CHIT1: variants seen among roughly 807,000 people sequenced by gnomAD.
The protein encoded by CHIT1 is chitotriosidase-1.
Under a neutral mutation model 52.0 loss-of-function variants are expected in CHIT1, and 47 were observed. The ratio of observed to expected loss-of-function variants is 0.90; its 90% CI spans 0.71 to 1.15. The LOEUF is 1.15. Among genes scored for constraint, CHIT1 ranks in the 50% most tolerant of loss-of-function variants. CHIT1 has a pLI of 0.00. For synonymous variants in CHIT1, 242 were observed against 228.2 expected, an observed-to-expected ratio of 1.06 and a Z score of -0.54; for missense variants, 569 against 583.0, an observed-to-expected ratio of 0.98 and a Z score of 0.25.
intron 1 of CHIT1, among the ~76,000 whole-genome samples, chr1:203,228,966 G>C (rs535572746): frequency 6.6e-6 from 1 of 152,214 alleles, no homozygotes; most frequent in Non-Finnish European, 1.5e-5. Context: ...TGCATGGAGA[G>C]AGTTCATCTC....
In CHIT1 at chr1:203,217,494, G is replaced by A. The variant is rs188099043; in HGVS notation, c.1156+245C>T. ...GCTCCCAGTCTGGGGGCCCTCTGGA[G>A]GGAAGCCACGGTTACAACAACCCTG... On this transcript the variant is annotated intron_variant, in intron 10 of 10. Transcript: ENST00000367229. The A allele has an allele frequency of 1.4e-4, 164 of 1,146,416 alleles. 1 individual carries two copies. The East Asian group carries it at 3.9e-3, about 27-fold the overall frequency. The allele number at this position is 1,146,416 out of a possible 1,614,324, so 71.0% of individuals were successfully genotyped here.
rs1317140805 is a variant in CHIT1 at position 203,222,359 on chromosome 1, AG to A, written c.606-35del. The A allele has an allele frequency of 1.9e-6, 3 of 1,613,922 alleles. No individual in the cohort carries two copies. In the Admixed American group the frequency reaches 5.0e-5, roughly 27 times the overall value. The stretch of plus-strand genomic sequence containing the variant: ...GGCATGGAAGAGGAGGTGAGAAACA[AG>A]GGATTGGGGGTGGGGTAGCCCTTCT... On this transcript the variant is annotated intron_variant, in intron 6 of 10. Coordinates refer to ENST00000367229, the MANE Select transcript of CHIT1 (RefSeq NM_003465.3).
intron 9 of CHIT1, chr1:203,218,227 G>T (rs1204867070): frequency 1.5e-6 from 1 of 680,926 alleles, no homozygotes; most frequent in Non-Finnish European, 2.2e-6. Context: ...CAAGGTCAAG[G>T]TCAAGGTAAG....
chr1:203,229,970 C>T (rs1034083543), upstream of CHIT1: 8 of 406,088 alleles, frequency 2.0e-5, no homozygotes, highest in African/African-American at 1.2e-4. Context: ...GGACCATAAG[C>T]AGCCCCAGAC....
At chr1:203,225,527 C>T (rs1488841257) in intron 3 of CHIT1, 142 bp downstream of exon 3, 2 of 820,276 alleles carry the variant, frequency 2.4e-6, no homozygotes, top group Non-Finnish European at 4.1e-6. Context: ...ACAGGAGAGC[C>T]CAGAGAGGTG....
At chr1:203,228,619 C>T (rs1657013559) in intron 1 of CHIT1, 57 bp from the exon 2 acceptor site, 2 of 1,547,272 alleles carry the variant, frequency 1.3e-6, no homozygotes, top group South Asian at 1.2e-5. Context: ...CCTTCCCAGG[C>T]CCCACAGCTT....
chr1:203,225,996 C>A lies in CHIT1; in HGVS notation c.56-126G>T, dbSNP rs1656916931. On this transcript the variant is annotated intron_variant, in intron 2 of 10. Transcript: ENST00000367229. The stretch of plus-strand genomic sequence containing the variant: ...TCTACACCTGGAGTCAGTGGAGGGA[C>A]CCGACAGGCAGAAATGGCATTTGCT... The A allele has an allele frequency of 4.9e-6, 5 of 1,010,702 alleles. No homozygotes were observed. The South Asian group carries it at 5.5e-5, about 11-fold the overall frequency. 62.6% of individuals were successfully genotyped at this position (1,010,702 alleles called of 1,614,324 possible).
Position 203,216,768 on chromosome 1 carries a change from A to G in CHIT1, c.*121T>C, listed in dbSNP as rs1293050115. The G allele has an allele frequency of 7.4e-7, 1 of 1,344,292 alleles. No individual in the cohort carries two copies. The highest frequency in any genetic ancestry group is 1.2e-5 in the South Asian group (1 of 84,662). 83.3% of individuals were successfully genotyped at this position (1,344,292 alleles called of 1,614,324 possible). ...GGCTGAGAGCAGAAAGCCTGGATAA[A>G]GGAAGACCACAGAAAGGCCTGCAGG... is the stretch of plus-strand genomic sequence containing the variant. On this transcript the variant is annotated 3_prime_UTR_variant, in exon 11 of 11. Coordinates refer to ENST00000367229, the MANE Select transcript of CHIT1 (RefSeq NM_003465.3).
chr1:203,217,299 T>C (rs1430968775), intron 10 of CHIT1, 166 bp from the exon 11 acceptor site: 4 of 1,540,314 alleles, frequency 2.6e-6, no homozygotes, highest in Non-Finnish European at 3.5e-6. Context: ...ACAACAGCCA[T>C]ACCTACAGCT....
upstream of CHIT1, chr1:203,229,961 G>A (rs1371033964): frequency 4.7e-6 from 2 of 423,434 alleles, no homozygotes; most frequent in African/African-American, 4.1e-5. Flanking sequence ...AGTTGGTGAG[G>A]ACCATAAGCA....
At chr1:203,224,453 C>T (rs888381150) in intron 4 of CHIT1, among the ~76,000 whole-genome samples, 2 of 152,106 alleles carry the variant, frequency 1.3e-5, no homozygotes, top group Non-Finnish European at 2.9e-5. Flanking sequence ...TCATCAGATT[C>T]CCAAAAGGGT....
intron 9 of CHIT1, chr1:203,218,234 T>TC (rs58776333): frequency 4.9e-5 from 31 of 630,670 alleles, no homozygotes; most frequent in Admixed American, 9.5e-5. Context: ...AAGGTCAAGG[T>TC]AAGTCCAGTT....
Position 203,223,679 on chromosome 1 carries a change from G to T in CHIT1, c.315-19C>A, listed in dbSNP as rs759433938. 1 of 1,614,092 alleles carries T rather than the reference G, an allele frequency of 6.2e-7. No homozygotes were observed. The highest frequency in any genetic ancestry group is 8.5e-7 in the Non-Finnish European group (1 of 1,179,944). ...TGTGAACCTGTGAGGTGATGAAGGG[G>T]AGTAAGGGCCGGCCTTGGACCAGAC... On this transcript the variant is annotated intron_variant, in intron 4 of 10. Coordinates refer to ENST00000367229, the MANE Select transcript of CHIT1 (RefSeq NM_003465.3).
At chr1:203,223,434 G>A (rs1656812672) in intron 5 of CHIT1, 61 bp downstream of exon 5, 5 of 1,606,622 alleles carry the variant, frequency 3.1e-6, no homozygotes, top group Admixed American at 1.7e-5. Context: ...CACATGTGCT[G>A]TGGGGGCTCC....
Position 203,225,577 on chromosome 1 carries a change from G to A in CHIT1, c.257+92C>T, listed in dbSNP as rs955056838. The A allele has an allele frequency of 3.9e-6, 5 of 1,298,122 alleles. No homozygotes were observed. The African/African-American group carries it at 5.8e-5, about 15-fold the overall frequency. The allele number at this position is 1,298,122 out of a possible 1,614,324, so 80.4% of individuals were successfully genotyped here. The stretch of plus-strand genomic sequence containing the variant: ...AAGCCACACAGTGGGTCTGTGGCAG[G>A]ACCTTAGTGCTGGAGAGGTGTCTGG... On this transcript the variant is annotated intron_variant, in intron 3 of 10. Transcript: ENST00000367229.
At chr1:203,219,938 G>C in intron 7 of CHIT1, 89 bp from the exon 8 acceptor site, 1 of 1,471,572 alleles carries the variant, frequency 6.8e-7, no homozygotes, top group Non-Finnish European at 9.3e-7. Context: ...GAGCTAGGAG[G>C]GCAGGGGCTC....
chr1:203,223,081 T>C (rs1386940902), intron 6 of CHIT1, 54 bp downstream of exon 6: 5 of 1,611,030 alleles, frequency 3.1e-6, no homozygotes, highest in Non-Finnish European at 4.2e-6. Context: ...CAGTCTGCCC[T>C]TGGCCTCTCT....
Position 203,216,408 on chromosome 1 carries a change from C to T in CHIT1, c.*481G>A, listed in dbSNP as rs1022777083. 4 of 454,132 alleles carry T rather than the reference C, an allele frequency of 8.8e-6. No homozygotes were observed. The highest frequency in any genetic ancestry group is 4.0e-5 in the African/African-American group (2 of 49,996). The allele number at this position is 454,132 out of a possible 1,614,324, so 28.1% of individuals were successfully genotyped here. On this transcript the variant is annotated 3_prime_UTR_variant, in exon 11 of 11. Transcript: ENST00000367229. ...ATCTAGTGGCATTTTGGGAATAACA[C>T]GTGCGTGAAGGTCCGCAGAAGCTCC...
At chr1:203,222,485 C>T (rs1656775565) in intron 6 of CHIT1, among the ~76,000 whole-genome samples, 160 bp from the exon 7 acceptor site, 1 of 152,202 alleles carries the variant, frequency 6.6e-6, no homozygotes. Flanking sequence ...GTGACCCAGA[C>T]AGCAGTCCCA....
Sources: gnomAD v4.1 joint callset for allele counts (sites outside exome capture counted in the v4.1 genomes callset) on GRCh38, gnomAD v4.1.1 for gene constraint, MANE v1.5 for transcripts, NCBI Gene and HGNC (gene_info 2026-07-23, HGNC 2026-07-21) for gene names.